CAST: variants seen among roughly 807,000 people sequenced by gnomAD.
CAST encodes the protein MIR583 host.
Under a neutral mutation model 119.6 loss-of-function variants are expected in CAST, and 76 were observed. The observed-to-expected ratio is 0.64, with a 90% CI of 0.53 to 0.77. The LOEUF (loss-of-function observed/expected upper bound fraction) is 0.77, where lower values mean the gene tolerates loss of function less well. Ranked by LOEUF, CAST falls within the 30% of genes least tolerant of loss-of-function variation. The pLI is 0.00. For synonymous variants in CAST, 319 were observed against 331.6 expected, an observed-to-expected ratio of 0.96 and a Z score of 0.41; for missense variants, 953 against 946.5, an observed-to-expected ratio of 1.01 and a Z score of -0.09.
chr5:96,539,717 A>G (rs531664238), intron 1 of CAST, among the ~76,000 whole-genome samples: 2 of 152,320 alleles, frequency 1.3e-5, no homozygotes, highest in South Asian at 4.1e-4. Flanking sequence ...AATAATAAAT[A>G]AATAAAAAGT....
chr5:96,159,999 G>T, the CAST span, among the ~76,000 whole-genome samples: 4 of 151,644 alleles, frequency 2.6e-5, no homozygotes, highest in Non-Finnish European at 4.4e-5. Flanking sequence ...AATTAGCCGG[G>T]CATGGTGGCA....
At chr5:96,414,095 C>T in the CAST span, among the ~76,000 whole-genome samples, 5 of 143,166 alleles carry the variant, frequency 3.5e-5, no homozygotes, top group East Asian at 6.3e-4. Context: ...GCCGAGATCG[C>T]GCCACTGCAC....
chr5:96,229,253 G>T, the CAST span, among the ~76,000 whole-genome samples: 1 of 150,418 alleles, frequency 6.6e-6, no homozygotes, highest in Non-Finnish European at 1.5e-5. Flanking sequence ...TTAGTTATGT[G>T]AAGGATACTA....
the CAST span, among the ~76,000 whole-genome samples, chr5:96,097,398 CTTG>C: frequency 6.7e-6 from 1 of 148,500 alleles, no homozygotes; most frequent in Non-Finnish European, 1.5e-5. Flanking sequence ...TATAGGTAAA[CTTG>C]TGCCATGGGG....
chr5:96,584,313 C>A (rs935320541), intron 1 of CAST, among the ~76,000 whole-genome samples: 2 of 152,188 alleles, frequency 1.3e-5, no homozygotes, highest in African/African-American at 4.8e-5. Context: ...AGTAATGCTG[C>A]CTCACCACTC....
chr5:96,713,897 C>T (rs1036958036), intron 3 of CAST, among the ~76,000 whole-genome samples: 2 of 152,072 alleles, frequency 1.3e-5, no homozygotes, highest in African/African-American at 4.8e-5. Context: ...ATTGCTTGAA[C>T]CCAGGTGGCG....
chr5:96,099,185 C>T, the CAST span, among the ~76,000 whole-genome samples: 2 of 152,152 alleles, frequency 1.3e-5, no homozygotes, highest in African/African-American at 2.4e-5. Context: ...TATCCTGAGA[C>T]TTTTCTGAAG....
the CAST span, among the ~76,000 whole-genome samples, chr5:96,494,206 G>T: frequency 6.6e-6 from 1 of 152,090 alleles, no homozygotes; most frequent in African/African-American, 2.4e-5. Context: ...TCTCAGAGGC[G>T]ATGAACTACC....
chr5:96,144,506 T>A, the CAST span, among the ~76,000 whole-genome samples: 4 of 152,218 alleles, frequency 2.6e-5, no homozygotes, highest in Non-Finnish European at 5.9e-5. Context: ...CAATTGCTTT[T>A]AGTTGAGAAA....
the CAST span, among the ~76,000 whole-genome samples, chr5:96,123,168 G>T: frequency 2.0e-5 from 3 of 152,024 alleles, no homozygotes; most frequent in Admixed American, 1.3e-4. Flanking sequence ...CATTGAGAGG[G>T]TCTTAGGATA....
intron 9 of CAST, among the ~76,000 whole-genome samples, chr5:96,732,033 A>G (rs1464717274): frequency 2.6e-5 from 4 of 151,678 alleles, no homozygotes; most frequent in Non-Finnish European, 4.4e-5. Flanking sequence ...TGGGATGGCT[A>G]GGTCAAATGG....
chr5:96,103,874 C>T, the CAST span, among the ~76,000 whole-genome samples: 4 of 151,304 alleles, frequency 2.6e-5, no homozygotes, highest in Non-Finnish European at 5.9e-5. Context: ...TGTTTCCTGA[C>T]TTTTTAATGA....
chr5:96,010,190 A>G, the CAST span, among the ~76,000 whole-genome samples: 2 of 151,998 alleles, frequency 1.3e-5, no homozygotes, highest in Admixed American at 1.3e-4. Context: ...TTTTTTGGTT[A>G]CTGTAGTCTT....
chr5:96,434,609 T>G, the CAST span, among the ~76,000 whole-genome samples: 1 of 97,004 alleles, frequency 1.0e-5, no homozygotes. Context: ...GGAAGTTTGT[T>G]TTTTTTTTTG....
chr5:96,097,683 A>C, the CAST span, among the ~76,000 whole-genome samples: 1 of 152,188 alleles, frequency 6.6e-6, no homozygotes, highest in Non-Finnish European at 1.5e-5. Flanking sequence ...ATGGCTGCAT[A>C]GTATTCCATG....
chr5:96,757,424 G>A lies in CAST; in HGVS notation c.1711-20G>A, dbSNP rs764634936. On this transcript the variant is annotated intron_variant, in intron 22 of 31. Transcript: ENST00000675179. Reference sequence around the variant, plus strand: ...AAAATGTAAAATGATTTCATGCCATGTGTTTTCCCCCCCGGATAGGATAAA... The same window carrying A: ...AAAATGTAAAATGATTTCATGCCATATGTTTTCCCCCCCGGATAGGATAAA... 1 of 1,610,646 alleles carries A rather than the reference G, an allele frequency of 6.2e-7. No individual in the cohort carries two copies. Among genetic ancestry groups the A allele is most frequent in the South Asian group, 1.1e-5 (1 of 91,010 alleles).
At chr5:96,762,224 T>A in intron 24 of CAST, 50 bp from the exon 25 acceptor site, 1 of 1,218,104 alleles carries the variant, frequency 8.2e-7, no homozygotes, top group Non-Finnish European at 1.2e-6. Flanking sequence ...GGCATTGTGC[T>A]CATAATTTTA....
chr5:96,172,918 G>T, the CAST span, among the ~76,000 whole-genome samples: 1 of 152,176 alleles, frequency 6.6e-6, no homozygotes. Flanking sequence ...CTGGTCAATG[G>T]ATGCCAAGAT....
At chr5:95,961,526 G>T in the CAST span, 1 of 1,489,016 alleles carries the variant, frequency 6.7e-7, no homozygotes, top group African/African-American at 1.5e-5. Context: ...CAGGCCGTGA[G>T]GGGTGCGCTC....
Sources: gnomAD v4.1 joint callset for allele counts (sites outside exome capture counted in the v4.1 genomes callset) on GRCh38, gnomAD v4.1.1 for gene constraint, MANE v1.5 for transcripts, NCBI Gene and HGNC (gene_info 2026-07-23, HGNC 2026-07-21) for gene names.